Variants in RSAD2 observed in about 807,000 individuals in gnomAD.
RSAD2 encodes radical S-adenosyl methionine domain containing 2.
RSAD2 carries 38 observed loss-of-function variants against 37.7 expected under a neutral mutation model. The ratio of observed to expected loss-of-function variants is 1.01; its 90% CI spans 0.78 to 1.32. The LOEUF is 1.32. RSAD2 is among the 40% of genes most tolerant of loss of function. The pLI is 0.00. For synonymous variants in RSAD2, 163 were observed against 157.4 expected, an observed-to-expected ratio of 1.04 and a Z score of -0.27; for missense variants, 428 against 437.5, an observed-to-expected ratio of 0.98 and a Z score of 0.19.
In RSAD2 at chr2:6,896,820, G is replaced by A. The variant is rs1663785057; in HGVS notation, c.*878G>A. The A allele has an allele frequency of 6.6e-6, 1 of 152,188 alleles. No homozygotes were observed. Among genetic ancestry groups the A allele is most frequent in the Non-Finnish European group, 1.5e-5 (1 of 68,068 alleles). The allele number at this position is 152,188 out of a possible 1,614,324, so 9.4% of individuals were successfully genotyped here. A position where few individuals can be genotyped will look rare whatever the true frequency, so the allele number is the denominator to read the frequency against. Reference sequence around the variant, plus strand: ...TTCCATTTGATGATGGAGTTGACATGGAGGCAGTGCTTGCATTGCTTTGTT... The same window carrying A: ...TTCCATTTGATGATGGAGTTGACATAGAGGCAGTGCTTGCATTGCTTTGTT... On this transcript the variant is annotated 3_prime_UTR_variant, in exon 6 of 6. Coordinates refer to ENST00000382040, the MANE Select transcript of RSAD2 (RefSeq NM_080657.5).
At chr2:6,895,335 T>G (rs772219060) in intron 5 of RSAD2, among the ~76,000 whole-genome samples, 2 of 152,226 alleles carry the variant, frequency 1.3e-5, no homozygotes, top group Admixed American at 6.5e-5. Flanking sequence ...CATGCACGGA[T>G]GCATGCACAT....
chr2:6,883,870 T>C (rs1463614996), intron 2 of RSAD2: 6 of 226,132 alleles, frequency 2.7e-5, no homozygotes, highest in Admixed American at 5.2e-5. Flanking sequence ...TGTAATAAAA[T>C]ATCTCTGTTG....
At chr2:6,889,461 G>C (rs1026380364) in intron 3 of RSAD2, among the ~76,000 whole-genome samples, 1 of 152,216 alleles carries the variant, frequency 6.6e-6, no homozygotes, top group Non-Finnish European at 1.5e-5. Context: ...TGGCATCTGA[G>C]TGGTTCAGAC....
At chr2:6,890,450 G>A in intron 4 of RSAD2, 125 bp downstream of exon 4, 3 of 1,019,400 alleles carry the variant, frequency 2.9e-6, no homozygotes, top group Non-Finnish European at 2.9e-6. Context: ...AGAAATGGGA[G>A]GAATGCCATG....
chr2:6,878,815 C>G, intron 1 of RSAD2: 1 of 1,203,280 alleles, frequency 8.3e-7, no homozygotes. Context: ...CCTGTCTTTC[C>G]TAGAGTACCT....
At chr2:6,869,430 G>A (rs897760178) in intron 1 of RSAD2, among the ~76,000 whole-genome samples, 11 of 152,078 alleles carry the variant, frequency 7.2e-5, no homozygotes, top group Non-Finnish European at 1.2e-4. Context: ...TTATTTCAGA[G>A]CATGTTGATA....
upstream of RSAD2, among the ~76,000 whole-genome samples, chr2:6,875,124 G>A (rs758208969): frequency 1.3e-4 from 20 of 152,090 alleles, no homozygotes; most frequent in Non-Finnish European, 2.9e-4. Flanking sequence ...TGATTAATGT[G>A]GAGAGAAAAA....
chr2:6,888,920 C>T lies in RSAD2; in HGVS notation c.739-1256C>T, dbSNP rs147645336. Among the ~76,000 whole-genome samples, 419 of 152,310 alleles carry T rather than the reference C, an allele frequency of 2.8e-3. 2 individuals are homozygous for T. The highest frequency in any genetic ancestry group is 4.4e-3 in the Non-Finnish European group (299 of 68,028). On this transcript the variant is annotated intron_variant, in intron 3 of 5. Transcript: ENST00000382040. ...GTCACCAGCCGTGTCCCCGGGACAACAGCAATGAGCATGCGTGATTACTCA... is the reference window on the plus strand; with the variant it reads ...GTCACCAGCCGTGTCCCCGGGACAATAGCAATGAGCATGCGTGATTACTCA...
upstream of RSAD2, among the ~76,000 whole-genome samples, chr2:6,875,739 A>C (rs1440844570): frequency 6.6e-6 from 1 of 152,210 alleles, no homozygotes; most frequent in African/African-American, 2.4e-5. Flanking sequence ...TATCCCCAAC[A>C]CTACCTGCCC....
upstream of RSAD2, among the ~76,000 whole-genome samples, chr2:6,874,449 T>A (rs1211624816): frequency 6.6e-6 from 1 of 152,264 alleles, no homozygotes; most frequent in African/African-American, 2.4e-5. Flanking sequence ...TTAAATTTTC[T>A]TGCAATTATT....
At chr2:6,877,613 G>A, upstream of RSAD2, 1 of 591,716 alleles carries the variant, frequency 1.7e-6, no homozygotes, top group Non-Finnish European at 3.0e-6. Flanking sequence ...CTAGTCTTCA[G>A]TCTTGGCCCT....
At chr2:6,870,660 A>G (rs568712951) in intron 1 of RSAD2, among the ~76,000 whole-genome samples, 11 of 152,174 alleles carry the variant, frequency 7.2e-5, no homozygotes, top group Admixed American at 2.0e-4. Flanking sequence ...TCTTGACCCC[A>G]AGTTTAGGAG....
rs975428676 is a variant in RSAD2 at position 6,878,155 on chromosome 2, A to G, written c.346+9A>G. The G allele has an allele frequency of 6.2e-7, 1 of 1,607,536 alleles. No homozygotes were observed. The highest frequency in any genetic ancestry group is 2.2e-5 in the East Asian group (1 of 44,844). ...TTTGCTTAAGGAAGCTGGTGAGTAC[A>G]TGGTCCTAGACAGAAATCAGGATTC... On this transcript the variant is annotated intron_variant, in intron 1 of 5. Transcript: ENST00000382040.
chr2:6,895,115 G>A (rs1220458309), intron 5 of RSAD2, among the ~76,000 whole-genome samples: 1 of 152,178 alleles, frequency 6.6e-6, no homozygotes, highest in Non-Finnish European at 1.5e-5. Flanking sequence ...TGCCTACAGA[G>A]TAGAATAGGA....
At chr2:6,883,680 C>A in intron 2 of RSAD2, 148 bp downstream of exon 2, 1 of 878,706 alleles carries the variant, frequency 1.1e-6, no homozygotes, top group Non-Finnish European at 1.7e-6. Context: ...AATTGCTTTT[C>A]AAGCTGTGCA....
At chr2:6,866,087 C>A in intron 1 of RSAD2, 1 of 258,104 alleles carries the variant, frequency 3.9e-6, no homozygotes, top group Non-Finnish European at 7.5e-6. Flanking sequence ...CGGCCCCGAC[C>A]CTGGTTTGAG....
intron 1 of RSAD2, among the ~76,000 whole-genome samples, chr2:6,878,538 T>A (rs1205840026): frequency 4.6e-5 from 7 of 152,246 alleles, no homozygotes; most frequent in African/African-American, 1.4e-4. Context: ...CAGAAACAGT[T>A]ATTAATAATT....
rs1663792914 is a variant in RSAD2, at chr2:6,897,091, G to A, written c.*1149G>A. ...TGAACTCTGAGTCAGTTGAAATAGG[G>A]TACCATCTAGGTCAGTTTAAGAAGA... On this transcript the variant is annotated 3_prime_UTR_variant, in exon 6 of 6. Coordinates refer to ENST00000382040, the MANE Select transcript of RSAD2 (RefSeq NM_080657.5). 6.6e-6 allele frequency: 1 copy of A among 152,112 alleles called. No homozygotes were observed. Among genetic ancestry groups the A allele is most frequent in the Non-Finnish European group, 1.5e-5 (1 of 68,022 alleles). The allele number at this position is 152,112 out of a possible 1,614,324, so 9.4% of individuals were successfully genotyped here. A position where few individuals can be genotyped will look rare whatever the true frequency, so the allele number is the denominator to read the frequency against.
chr2:6,872,713 G>T (rs2595177), intron 1 of RSAD2, among the ~76,000 whole-genome samples: 150,472 of 152,288 alleles, frequency 0.99, 74,354 homozygotes, highest in Middle Eastern at 1. Context: ...AAAGAAAGTT[G>T]ATAAAAGCAA....
Sources: allele counts gnomAD v4.1 joint callset (sites outside exome capture counted in the v4.1 genomes callset), GRCh38; gene constraint gnomAD v4.1.1; transcripts MANE v1.5; gene names NCBI Gene and HGNC (gene_info 2026-07-23, HGNC 2026-07-21).